The following PABIR2 variants were observed in gnomAD, a reference collection of about 807,000 sequenced individuals.
The protein encoded by PABIR2 is PABIR family member 2, also known as family with sequence similarity 122B.
Under a neutral mutation model 22.8 loss-of-function variants are expected in PABIR2, and 7 were observed. The observed-to-expected ratio is 0.31, with a 90% CI of 0.17 to 0.58. The LOEUF is 0.58. Ranked by LOEUF, PABIR2 falls within the 20% of genes least tolerant of loss-of-function variation. The pLI is 0.89. For missense variants in PABIR2, 155 were observed against 205.1 expected (o/e 0.76, Z 1.49); for synonymous variants, 67 against 73.8 (o/e 0.91, Z 0.47).
intron 9 of PABIR2, among the ~76,000 whole-genome samples, chrX:134,774,544 C>T (rs2078916672): frequency 9.0e-6 from 1 of 110,804 alleles, no homozygotes; most frequent in Non-Finnish European, 1.9e-5. Flanking sequence ...TTGGGTGAAT[C>T]CTGTATTCAT....
At chrX:134,796,080 G>A in intron 1 of PABIR2, 28 bp downstream of exon 1, 1 of 1,183,017 alleles carries the variant, frequency 8.5e-7, no homozygotes, top group South Asian at 1.8e-5. Flanking sequence ...CCTGAATCCT[G>A]TACTCCATCC....
At chrX:134,781,731 T>A (rs2079161123) in intron 9 of PABIR2, 90 bp downstream of exon 9, 6 of 565,873 alleles carry the variant, frequency 1.1e-5, no homozygotes, top group South Asian at 7.0e-5. Flanking sequence ...CAAAAAAAAA[T>A]ATTTTAAATT....
chrX:134,786,513 C>A (rs989664316), intron 7 of PABIR2, among the ~76,000 whole-genome samples: 1 of 111,133 alleles, frequency 9.0e-6, no homozygotes, highest in Non-Finnish European at 1.9e-5. Flanking sequence ...AGCAAAACTC[C>A]GTCGCAAAAA....
intron 9 of PABIR2, among the ~76,000 whole-genome samples, chrX:134,774,777 G>C (rs1028170083): frequency 8.9e-6 from 1 of 112,055 alleles, no homozygotes; most frequent in Non-Finnish European, 1.9e-5. Flanking sequence ...TCAGAACTTG[G>C]TAAATCTTTA....
chrX:134,772,184 A>G lies in PABIR2; in HGVS notation c.759T>C (p.Asn253=). 1 of 1,206,027 alleles carries G rather than the reference A, an allele frequency of 8.3e-7. No individual in the cohort carries two copies. Among genetic ancestry groups the G allele is most frequent in the East Asian group, 3.0e-5 (1 of 33,659 alleles). The change falls in exon 10 of 10, where the codon AAT becomes AAC. Residue 253 remains asparagine (N), a synonymous_variant. Transcript: ENST00000343004. The part of the protein sequence containing the change: ...ATAESPVACS[N]SCSSFILMDD... The stretch of plus-strand genomic sequence containing the variant: ...CCATCAAGATGAACGAAGAGCATGA[A>G]TTGGAGCATGCTACTGGAGACTCTG...
intron 6 of PABIR2, among the ~76,000 whole-genome samples, chrX:134,787,997 C>T (rs1603043994): frequency 1.9e-5 from 2 of 106,870 alleles, no homozygotes; most frequent in Non-Finnish European, 1.9e-5. Context: ...AATTGCTTGG[C>T]TGTCTGTGTG....
chrX:134,777,797 T>C (rs2079026400), intron 9 of PABIR2, among the ~76,000 whole-genome samples: 1 of 110,368 alleles, frequency 9.1e-6, no homozygotes, highest in African/African-American at 3.3e-5. Context: ...GATTGCACCA[T>C]TGCACTCCAG....
At chrX:134,789,314 T>C in intron 3 of PABIR2, 48 bp from the exon 4 acceptor site, 1 of 1,189,691 alleles carries the variant, frequency 8.4e-7, no homozygotes, top group Non-Finnish European at 1.1e-6. Flanking sequence ...ACTGACAAAA[T>C]ATTAACTCTT....
rs1479114314 is a variant in PABIR2 at position 134,797,191 on chromosome X, C to A, written c.-986G>T. 1.8e-5 allele frequency: 2 copies of A among 114,006 alleles called. No homozygotes were observed. The highest frequency in any genetic ancestry group is 9.2e-5 in the Admixed American group (1 of 10,912). The allele number at this position is 114,006 out of a possible 1,213,427, so 9.4% of individuals were successfully genotyped here. On this transcript the variant is annotated 5_prime_UTR_variant, in exon 1 of 10. Transcript: ENST00000343004. ...CTGGGCCAGTTCTTCCGCGTCCGGG[C>A]ACCCATCGGGTCCTGCGCACGCGTC...
At chrX:134,782,988 A>G (rs1340208607) in intron 8 of PABIR2, among the ~76,000 whole-genome samples, 1 of 112,149 alleles carries the variant, frequency 8.9e-6, no homozygotes, top group Non-Finnish European at 1.9e-5. Context: ...TGAGCAAAGA[A>G]TTCCTCCATC....
At chrX:134,777,789 T>C (rs1228592963) in intron 9 of PABIR2, among the ~76,000 whole-genome samples, 2 of 110,432 alleles carry the variant, frequency 1.8e-5, no homozygotes, top group Non-Finnish European at 3.8e-5. Flanking sequence ...TGAGCCGAGA[T>C]TGCACCATTG....
Position 134,771,183 on chromosome X carries a change from A to G in PABIR2, c.*956T>C. On this transcript the variant is annotated 3_prime_UTR_variant, in exon 10 of 10. Transcript: ENST00000343004. ...ATACCTTATGATATACATCCCTTATAGCATGACAATGTACCCCAAGGCACC... is the reference window on the plus strand; with the variant it reads ...ATACCTTATGATATACATCCCTTATGGCATGACAATGTACCCCAAGGCACC... 2 of 689,634 alleles carry G rather than the reference A, an allele frequency of 2.9e-6. No individual in the cohort carries two copies. Among genetic ancestry groups the G allele is most frequent in the Non-Finnish European group, 2.0e-6 (1 of 490,604 alleles). The allele number at this position is 689,634 out of a possible 1,213,427, so 56.8% of individuals were successfully genotyped here. A position where few individuals can be genotyped will look rare whatever the true frequency, so the allele number is the denominator to read the frequency against.
At chrX:134,776,312 A>G (rs2078975163) in intron 9 of PABIR2, among the ~76,000 whole-genome samples, 2 of 111,975 alleles carry the variant, frequency 1.8e-5, no homozygotes, top group Admixed American at 1.9e-4. Context: ...CGGGGTAAGG[A>G]AATTTGTAAG....
chrX:134,796,180 T>C lies in PABIR2; in HGVS notation c.26A>G (p.Asp9Gly). Residue 9 changes from aspartate (D) to glycine (G), a missense_variant, in exon 1 of 10, where the codon GAC becomes GGC. Asp to Gly is a moderately conservative substitution (Grantham distance 94, BLOSUM62 -1). Coordinates refer to ENST00000343004, the MANE Select transcript of PABIR2 (RefSeq NM_001387468.1). ...CCCATAAGATGTGTCAGGCTCAAGG[T>C]CCAGCTCCATTTTCTCCTGAGCCAT... MAQEKMEL[D>G]LEPDTSYGGT... is the part of the protein sequence containing the mutation. 8.3e-7 allele frequency: 1 copy of C among 1,210,216 alleles called. No individual in the cohort carries two copies. The highest frequency in any genetic ancestry group is 1.1e-6 in the Non-Finnish European group (1 of 895,029).
At chrX:134,774,558 A>C (rs2078917060) in intron 9 of PABIR2, among the ~76,000 whole-genome samples, 1 of 111,358 alleles carries the variant, frequency 9.0e-6, no homozygotes, top group Admixed American at 9.6e-5. Flanking sequence ...TATTCATTCA[A>C]AAACACAAAA....
intron 8 of PABIR2, among the ~76,000 whole-genome samples, chrX:134,784,760 T>C (rs2147938543): frequency 9.0e-6 from 1 of 111,661 alleles, no homozygotes; most frequent in African/African-American, 3.2e-5. Flanking sequence ...ATTACAGACC[T>C]GTATTGCCTT....
chrX:134,787,555 T>C (rs367768812), intron 6 of PABIR2, 22 bp from the exon 7 acceptor site: 378 of 1,171,263 alleles, frequency 3.2e-4, no homozygotes, highest in Non-Finnish European at 3.9e-4. Flanking sequence ...GTGAAAAACA[T>C]TACTAGAAAA....
At chrX:134,791,156 A>AATTCACC (rs1291866067) in intron 2 of PABIR2, among the ~76,000 whole-genome samples, 108 of 111,059 alleles carry the variant, frequency 9.7e-4, no homozygotes, top group African/African-American at 3.2e-3. Context: ...GAACAGAGCA[A>AATTCACC]AGCTGTGTGT....
intron 6 of PABIR2, among the ~76,000 whole-genome samples, chrX:134,788,389 G>A (rs1375090515): frequency 5.9e-5 from 5 of 85,284 alleles, no homozygotes; most frequent in Admixed American, 1.4e-4. Flanking sequence ...ATATATACAC[G>A]TTATATATGT....
Sources: gnomAD v4.1 joint callset for allele counts (sites outside exome capture counted in the v4.1 genomes callset) on GRCh38, gnomAD v4.1.1 for gene constraint, MANE v1.5 for transcripts, NCBI Gene and HGNC (gene_info 2026-07-23, HGNC 2026-07-21) for gene names.